HERC4: variants seen among roughly 807,000 people sequenced by gnomAD.
HERC4 encodes probable E3 ubiquitin-protein ligase HERC4.
Under a neutral mutation model 124.3 loss-of-function variants are expected in HERC4, and 28 were observed. The ratio of observed to expected loss-of-function variants is 0.23; its 90% CI spans 0.17 to 0.31. The LOEUF (loss-of-function observed/expected upper bound fraction) is 0.31, where lower values mean the gene tolerates loss of function less well. Ranked by LOEUF, HERC4 falls within the 10% of genes least tolerant of loss-of-function variation. The pLI is 1.00. For missense variants in HERC4, 713 were observed against 1,229.3 expected (o/e 0.58, Z 6.28); for synonymous variants, 407 against 421.5 (o/e 0.97, Z 0.42).
chr10:67,942,618 T>G (rs4746722), intron 19 of HERC4, among the ~76,000 whole-genome samples: 12,881 of 152,128 alleles, frequency 0.085, 1,017 homozygotes, highest in East Asian at 0.4. Context: ...TTCAAGTGAT[T>G]CTCCTGGCTC....
chr10:68,066,515 G>T (rs1470538091), intron 3 of HERC4, among the ~76,000 whole-genome samples: 1 of 152,190 alleles, frequency 6.6e-6, no homozygotes, highest in Non-Finnish European at 1.5e-5. Flanking sequence ...AGACTGCTCA[G>T]ATTAGGCATC....
chr10:67,922,160 T>C lies in HERC4; in HGVS notation c.*771A>G. 1 of 152,186 alleles carries C rather than the reference T, an allele frequency of 6.6e-6. No homozygotes were observed. The highest frequency in any genetic ancestry group is 1.9e-4 in the East Asian group (1 of 5,202). 9.4% of individuals were successfully genotyped at this position (152,186 alleles called of 1,614,324 possible). A position where few individuals can be genotyped will look rare whatever the true frequency, so the allele number is the denominator to read the frequency against. Reference sequence around the variant, plus strand: ...GCTATAACCCAGTGATTGGTGCTCATAGTAGCCAATGTTTCTTTTTATTAC... The same window carrying C: ...GCTATAACCCAGTGATTGGTGCTCACAGTAGCCAATGTTTCTTTTTATTAC... On this transcript the variant is annotated 3_prime_UTR_variant, in exon 25 of 25. Coordinates refer to ENST00000373700, the MANE Select transcript of HERC4 (RefSeq NM_015601.4).
chr10:67,938,169 G>A (rs1354622278), intron 21 of HERC4, among the ~76,000 whole-genome samples: 1 of 151,956 alleles, frequency 6.6e-6, no homozygotes, highest in East Asian at 1.9e-4. Context: ...GAGGCCAGGT[G>A]CTGTGGCTCA....
At chr10:68,045,953 T>C (rs946498219) in intron 3 of HERC4, among the ~76,000 whole-genome samples, 2 of 152,190 alleles carry the variant, frequency 1.3e-5, no homozygotes, top group African/African-American at 4.8e-5. Context: ...GTTAGCCCTA[T>C]ATAGCCTCTA....
At chr10:68,065,810 C>T (rs931700672) in intron 3 of HERC4, among the ~76,000 whole-genome samples, 4 of 151,952 alleles carry the variant, frequency 2.6e-5, no homozygotes, top group Admixed American at 2.0e-4. Context: ...CATTGAGCCA[C>T]GATTTAACCA....
At chr10:68,025,903 G>T (rs1169774607) in intron 7 of HERC4, among the ~76,000 whole-genome samples, 1 of 152,072 alleles carries the variant, frequency 6.6e-6, no homozygotes, top group Non-Finnish European at 1.5e-5. Flanking sequence ...ACACTGAAGA[G>T]ATACAAATAA....
intron 8 of HERC4, among the ~76,000 whole-genome samples, chr10:68,025,031 G>C (rs1048744402): frequency 7.9e-5 from 12 of 152,082 alleles, no homozygotes; most frequent in African/African-American, 2.9e-4. Context: ...AGGTAAGCCT[G>C]GGCAACATAA....
chr10:67,987,615 G>T (rs2036337212), intron 15 of HERC4, among the ~76,000 whole-genome samples: 1 of 152,100 alleles, frequency 6.6e-6, no homozygotes, highest in Non-Finnish European at 1.5e-5. Context: ...GCAAACATAA[G>T]AATGACCTGT....
chr10:68,051,684 T>C (rs1298627719), intron 3 of HERC4, among the ~76,000 whole-genome samples: 2 of 145,822 alleles, frequency 1.4e-5, no homozygotes, highest in Admixed American at 1.4e-4. Context: ...CTTTCAACTT[T>C]TCTTTTCTTT....
intron 3 of HERC4, among the ~76,000 whole-genome samples, chr10:68,058,805 G>C (rs371353803): frequency 6.6e-6 from 1 of 150,988 alleles, no homozygotes; most frequent in Non-Finnish European, 1.5e-5. Context: ...TCTAGCAACA[G>C]AGCCAGGATT....
intron 16 of HERC4, among the ~76,000 whole-genome samples, chr10:67,960,093 G>A (rs561814038): frequency 6.6e-6 from 1 of 152,336 alleles, no homozygotes; most frequent in African/African-American, 2.4e-5. Context: ...TGGGCCATGT[G>A]CTGTCAGTTC....
chr10:68,065,331 C>T (rs2041247782), intron 3 of HERC4, among the ~76,000 whole-genome samples: 1 of 151,948 alleles, frequency 6.6e-6, no homozygotes, highest in Non-Finnish European at 1.5e-5. Context: ...AATAGTATAA[C>T]ACCTAGCAAA....
chr10:67,977,234 T>C (rs147149248), intron 15 of HERC4, among the ~76,000 whole-genome samples: 5 of 152,306 alleles, frequency 3.3e-5, no homozygotes, highest in Admixed American at 6.5e-5. Context: ...CACAGCTGGA[T>C]AGGGCACCAG....
At chr10:68,047,157 C>A (rs1278853012) in intron 3 of HERC4, among the ~76,000 whole-genome samples, 1 of 150,388 alleles carries the variant, frequency 6.6e-6, no homozygotes, top group Non-Finnish European at 1.5e-5. Flanking sequence ...GTATTCATCT[C>A]AGACAAAAGA....
At chr10:67,932,865 C>G (rs1441667685) in intron 22 of HERC4, 85 bp from the exon 23 acceptor site, 2 of 1,184,922 alleles carry the variant, frequency 1.7e-6, no homozygotes, top group Admixed American at 5.6e-5. Context: ...TTCAAGTGCT[C>G]CTACAATTTC....
chr10:68,059,720 A>AT (rs1554830338), intron 3 of HERC4, among the ~76,000 whole-genome samples: 1 of 47,810 alleles, frequency 2.1e-5, no homozygotes, highest in Non-Finnish European at 2.7e-5. Flanking sequence ...TCATAATATT[A>AT]TATATTATAT....
intron 22 of HERC4, among the ~76,000 whole-genome samples, chr10:67,933,819 GAAGT>G (rs2032077741): frequency 6.6e-6 from 1 of 152,134 alleles, no homozygotes; most frequent in African/African-American, 2.4e-5. Context: ...TCAACCCCAT[GAAGT>G]AAGTATAATT....
At chr10:67,988,119 A>G (rs1320688585) in intron 15 of HERC4, 1 of 152,152 alleles carries the variant, frequency 6.6e-6, no homozygotes, top group African/African-American at 2.4e-5. Context: ...GAACTGCTAC[A>G]AGTGTAAAGG....
intron 8 of HERC4, among the ~76,000 whole-genome samples, chr10:68,020,106 TAAGAA>T (rs1012843460): frequency 9.2e-5 from 14 of 152,170 alleles, no homozygotes; most frequent in Non-Finnish European, 1.8e-4. Context: ...AGGTATAGGC[TAAGAA>T]AAGACCTCAT....
Sources: allele counts gnomAD v4.1 joint callset (sites outside exome capture counted in the v4.1 genomes callset), GRCh38; gene constraint gnomAD v4.1.1; transcripts MANE v1.5; gene names NCBI Gene and HGNC (gene_info 2026-07-23, HGNC 2026-07-21).